TBC1D14: variants seen among roughly 807,000 people sequenced by gnomAD.
TBC1D14 encodes TBC1 domain family, member 14.
In TBC1D14, 26 loss-of-function variants were observed where a neutral mutation model predicts 79.0. That is an observed-to-expected ratio of 0.33 (90% CI 0.24 to 0.46). The LOEUF (loss-of-function observed/expected upper bound fraction) is 0.46. Ranked by LOEUF, TBC1D14 falls within the 20% of genes least tolerant of loss-of-function variation. TBC1D14 has a pLI of 1.00. For missense variants in TBC1D14, 769 were observed against 887.6 expected (o/e 0.87, Z 1.70); for synonymous variants, 394 against 349.9 (o/e 1.13, Z -1.40).
intron 2 of TBC1D14, among the ~76,000 whole-genome samples, chr4:6,933,269 T>C (rs182825963): frequency 0.37 from 785 of 2,112 alleles, 54 homozygotes; most frequent in South Asian, 0.44. Context: ...CTCCCCTCCC[T>C]TCCCCTCCCC....
At chr4:6,986,710 T>C (rs898747155) in intron 3 of TBC1D14, among the ~76,000 whole-genome samples, 5 of 152,172 alleles carry the variant, frequency 3.3e-5, no homozygotes, top group Non-Finnish European at 7.3e-5. Context: ...AAAGACTGTT[T>C]TTAAAAACCT....
intron 2 of TBC1D14, among the ~76,000 whole-genome samples, chr4:6,931,163 T>G (rs1479513125): frequency 6.6e-6 from 1 of 152,160 alleles, no homozygotes; most frequent in Non-Finnish European, 1.5e-5. Context: ...CCTCCCAAAG[T>G]GCTGGGATTA....
intron 1 of TBC1D14, among the ~76,000 whole-genome samples, chr4:6,912,884 A>G (rs976938515): frequency 1.1e-4 from 16 of 152,252 alleles, no homozygotes; most frequent in Non-Finnish European, 1.9e-4. Flanking sequence ...AAGCTTACAC[A>G]GCTGGTGAGC....
chr4:6,924,473 G>C (rs1461878365), intron 2 of TBC1D14, among the ~76,000 whole-genome samples: 1 of 152,186 alleles, frequency 6.6e-6, no homozygotes. Context: ...TGGTGAGGGT[G>C]ACGCCAGTGA....
Position 6,948,181 on chromosome 4 carries a change from C to T in TBC1D14, c.723-19123C>T, listed in dbSNP as rs189886566. On this transcript the variant is annotated intron_variant, in intron 2 of 13. Transcript: ENST00000409757. ...AACTTAAGTACATGAAGTGAACACA[C>T]TCGTGTGTCTGCCACCTCAGTCAGT... Among the ~76,000 whole-genome samples, 190 of 152,268 alleles carry T rather than the reference C, an allele frequency of 1.2e-3. 1 individual carries two copies. The highest frequency in any genetic ancestry group is 4.2e-3 in the African/African-American group (173 of 41,536).
chr4:6,993,033 C>A (rs908398665), intron 3 of TBC1D14, among the ~76,000 whole-genome samples: 2 of 152,134 alleles, frequency 1.3e-5, no homozygotes, highest in Middle Eastern at 3.2e-3. Context: ...TTTTTAGAGG[C>A]CTTTCTGGCT....
At chr4:6,980,067 A>T (rs990646290) in intron 3 of TBC1D14, among the ~76,000 whole-genome samples, 1 of 152,248 alleles carries the variant, frequency 6.6e-6, no homozygotes, top group Non-Finnish European at 1.5e-5. Flanking sequence ...TTCACAATTT[A>T]TAGAACACAG....
intron 2 of TBC1D14, among the ~76,000 whole-genome samples, chr4:6,943,988 G>C (rs1713175611): frequency 6.6e-6 from 1 of 151,976 alleles, no homozygotes; most frequent in African/African-American, 2.4e-5. Flanking sequence ...TCGCGGGCAC[G>C]GCACCCATCT....
At chr4:7,023,658 G>A (rs1009470491) in intron 12 of TBC1D14, among the ~76,000 whole-genome samples, 3 of 152,204 alleles carry the variant, frequency 2.0e-5, no homozygotes, top group Admixed American at 2.0e-4. Context: ...ACATCAGAGC[G>A]TGGGCGTTGG....
At chr4:6,937,886 G>T (rs1191229227) in intron 2 of TBC1D14, among the ~76,000 whole-genome samples, 2 of 152,182 alleles carry the variant, frequency 1.3e-5, no homozygotes, top group East Asian at 1.9e-4. Flanking sequence ...CAGTCACACA[G>T]CCGGCTGGGA....
In TBC1D14 at chr4:7,016,041, A is replaced by G. The variant is rs114414694; in HGVS notation, c.1757+1484A>G. Among the ~76,000 whole-genome samples the G allele has an allele frequency of 5.6e-3, 858 of 152,354 alleles. 9 individuals are homozygous for G. Among genetic ancestry groups the G allele is most frequent in the African/African-American group, 0.02 (815 of 41,578 alleles). On this transcript the variant is annotated intron_variant, in intron 12 of 13. Transcript: ENST00000409757. The stretch of plus-strand genomic sequence containing the variant: ...AAGGCCTTCTGGAAGGTAAAATTCA[A>G]GTATCATTTGAAAGGAAGCTGACCC...
At chr4:6,976,683 T>C (rs941712964) in intron 3 of TBC1D14, among the ~76,000 whole-genome samples, 4 of 152,206 alleles carry the variant, frequency 2.6e-5, no homozygotes, top group African/African-American at 7.2e-5. Flanking sequence ...AGGGCCTGTA[T>C]GCTAGGAGGA....
chr4:7,012,785 G>T (rs529771278), intron 11 of TBC1D14, among the ~76,000 whole-genome samples: 1 of 152,314 alleles, frequency 6.6e-6, no homozygotes, highest in Non-Finnish European at 1.5e-5. Context: ...TCTACAGTGA[G>T]TGTTTACAGG....
chr4:7,000,880 A>T (rs9994363), intron 6 of TBC1D14, among the ~76,000 whole-genome samples: 1,941 of 152,198 alleles, frequency 0.013, 42 homozygotes, highest in African/African-American at 0.044. Flanking sequence ...GTCATTCAGA[A>T]CTTGGCCCCA....
chr4:6,970,700 G>A lies in TBC1D14; in HGVS notation c.843+3276G>A, dbSNP rs527826554. Among the ~76,000 whole-genome samples, 14 of 151,892 alleles carry A rather than the reference G, an allele frequency of 9.2e-5. No individual in the cohort carries two copies. In the East Asian group the frequency reaches 2.7e-3, roughly 30 times the overall value. On this transcript the variant is annotated intron_variant, in intron 3 of 13. Coordinates refer to ENST00000409757, the MANE Select transcript of TBC1D14 (RefSeq NM_020773.3). ...CACACTGGCCAGGAGCTTTGGACCTGCCTCAAGGAGCCCGTGGCTGAGCTG... is the reference window on the plus strand; with the variant it reads ...CACACTGGCCAGGAGCTTTGGACCTACCTCAAGGAGCCCGTGGCTGAGCTG...
Position 6,970,129 on chromosome 4 carries a change from C to A in TBC1D14, c.843+2705C>A, listed in dbSNP as rs146902541. 1.7e-3 allele frequency among the ~76,000 whole-genome samples: 266 copies of A among 152,318 alleles called. 3 individuals are homozygous for A. The East Asian group carries it at 0.04, about 23-fold the overall frequency. On this transcript the variant is annotated intron_variant, in intron 3 of 13. Coordinates refer to ENST00000409757, the MANE Select transcript of TBC1D14 (RefSeq NM_020773.3). ...TGTGATCAGGATGGTGACAATAACT[C>A]CAGTCAGGGCCGAAGCCTAGAGAAA...
intron 12 of TBC1D14, among the ~76,000 whole-genome samples, chr4:7,020,339 A>G (rs568508336): frequency 6.6e-6 from 1 of 152,348 alleles, no homozygotes; most frequent in South Asian, 2.1e-4. Context: ...GTGTGTTTGG[A>G]GTTTAATGTT....
intron 2 of TBC1D14, among the ~76,000 whole-genome samples, chr4:6,957,769 G>A (rs1282109164): frequency 6.6e-6 from 1 of 152,198 alleles, no homozygotes; most frequent in Non-Finnish European, 1.5e-5. Context: ...CGAGTGTAGT[G>A]GAATAAGCCT....
At chr4:6,921,972 G>C (rs545691952) in intron 1 of TBC1D14, among the ~76,000 whole-genome samples, 2 of 152,300 alleles carry the variant, frequency 1.3e-5, no homozygotes, top group African/African-American at 2.4e-5. Flanking sequence ...TGGGATTACA[G>C]GTGTGAGCCA....
Sources: allele counts gnomAD v4.1 joint callset (sites outside exome capture counted in the v4.1 genomes callset), GRCh38; gene constraint gnomAD v4.1.1; transcripts MANE v1.5; gene names NCBI Gene and HGNC (gene_info 2026-07-23, HGNC 2026-07-21).